TMEM94: variants seen among roughly 807,000 people sequenced by gnomAD.
TMEM94 encodes transmembrane protein 94, also known as ER Mg2+ ATPase.
A neutral mutation model predicts 158.6 loss-of-function variants in TMEM94; 81 were observed. The observed-to-expected ratio is 0.51, with a 90% CI of 0.43 to 0.61. The LOEUF is 0.61. TMEM94 is among the 20% of genes least tolerant of loss of function. The pLI, the probability that TMEM94 is intolerant of heterozygous loss-of-function variation, is 0.00. For synonymous variants in TMEM94, 751 were observed against 730.7 expected (o/e 1.03, Z -0.45); for missense variants, 1,435 against 1,762.0 (o/e 0.81, Z 3.32).
At position 75,461,690 on chromosome 17, in the gene TMEM94, G is replaced by A. The variant is rs763256238; in HGVS notation, c.-107+4939G>A. Among the ~76,000 whole-genome samples, 3 of 151,526 alleles carry A rather than the reference G, an allele frequency of 2.0e-5. No individual in the cohort carries two copies. The South Asian group carries it at 6.2e-4, about 32-fold the overall frequency. The stretch of plus-strand genomic sequence containing the variant: ...TGTAATCCCAGCATTTTGGGAGGCC[G>A]AGGTGGGCGGATCACGAAGTCAGGA... On this transcript the variant is annotated intron_variant, in intron 1 of 31. Transcript: ENST00000314256.
chr17:75,463,172 G>GTATA (rs1358230546), intron 1 of TMEM94, among the ~76,000 whole-genome samples: 5 of 4,504 alleles, frequency 1.1e-3, no homozygotes, highest in Middle Eastern at 0.17. Context: ...GTGTGTGTGT[G>GTATA]TGTGTGTATA....
chr17:75,493,638 CG>C, intron 17 of TMEM94, 45 bp downstream of exon 17: 1 of 1,611,998 alleles, frequency 6.2e-7, no homozygotes, highest in Non-Finnish European at 8.5e-7. Flanking sequence ...GTCGCGCTGC[CG>C]GGGCACCTGC....
At position 75,488,036 on chromosome 17, in the gene TMEM94, G is replaced by A. The variant is rs536172484; in HGVS notation, c.514G>A (p.Gly172Arg). ...SWSLHWAYRDGHLVNLPVSLL... is the reference protein window; with the variant it reads ...SWSLHWAYRDRHLVNLPVSLL... ...GTCCTTGCACTGGGCCTACAGAGACGGACACCTGGTCAACCTGCCAGTCAG... is the reference window on the plus strand; with the variant it reads ...GTCCTTGCACTGGGCCTACAGAGACAGACACCTGGTCAACCTGCCAGTCAG... Residue 172 changes from glycine to arginine, a missense_variant, in exon 6 of 32, where the codon GGA (glycine) becomes AGA (arginine). By Grantham distance (125) the Gly-to-Arg change is moderately radical. Around this residue, in one of 3 missense-constraint regions of TMEM94, gnomAD observed 1,051 missense variants for 1,254.4 expected, o/e 0.84. Transcript: ENST00000314256. 7.4e-6 allele frequency: 12 copies of A among 1,614,168 alleles called. No individual in the cohort carries two copies. Among genetic ancestry groups the A allele is most frequent in the Middle Eastern group, 1.6e-4 (1 of 6,062 alleles).
At chr17:75,493,155 A>AG in intron 16 of TMEM94, 53 bp downstream of exon 16, 2 of 1,572,040 alleles carry the variant, frequency 1.3e-6, no homozygotes, top group East Asian at 2.3e-5. Context: ...AGAGCTTGGC[A>AG]GGGGGGCTCT....
At position 75,495,035 on chromosome 17, in the gene TMEM94, G is replaced by A; in HGVS notation, c.2728+1G>A. 7.9e-7 allele frequency: 1 copy of A among 1,270,482 alleles called. No homozygotes were observed. The highest frequency in any genetic ancestry group is 1.1e-6 in the Non-Finnish European group (1 of 930,362). The allele number at this position is 1,270,482 out of a possible 1,614,324, so 78.7% of individuals were successfully genotyped here. ...TCCCTGCATGATGACCTGAATCAGGGTAAGGGCAAAGGCGTGGGGTGGGGA... is the reference window on the plus strand; with the variant it reads ...TCCCTGCATGATGACCTGAATCAGGATAAGGGCAAAGGCGTGGGGTGGGGA... On this transcript the variant is annotated splice_donor_variant, in intron 20 of 31. Transcript: ENST00000314256. LOFTEE classifies it high-confidence loss of function. The surrounding 1 kb of genome is among the most constrained non-coding windows in gnomAD (Gnocchi z 5.6).
At position 75,489,261 on chromosome 17, in the gene TMEM94, T is replaced by C. The variant is rs764598328; in HGVS notation, c.765-5T>C. ...AGTGAGACTGACAGTCACTTCTTTC[T>C]GCAGATGGTGCCTGGACATGGCCCT... On this transcript the variant is annotated splice_region_variant and splice_polypyrimidine_tract_variant and intron_variant, in intron 7 of 31. Coordinates refer to ENST00000314256, the MANE Select transcript of TMEM94 (RefSeq NM_014738.6). This position sits in a 1 kb window ranked among gnomAD's most constrained non-coding sequence, Gnocchi z 5.0. 6.2e-7 allele frequency: 1 copy of C among 1,613,806 alleles called. No individual in the cohort carries two copies. The highest frequency in any genetic ancestry group is 1.1e-5 in the South Asian group (1 of 91,088).
chr17:75,484,118 C>G (rs1402850234), intron 2 of TMEM94, among the ~76,000 whole-genome samples: 1 of 152,200 alleles, frequency 6.6e-6, no homozygotes, highest in African/African-American at 2.4e-5. Flanking sequence ...CTGTCCACAC[C>G]TTGTCCCATT....
At position 75,495,469 on chromosome 17, in the gene TMEM94, A is replaced by C; in HGVS notation, c.2844+70A>C. ...TAGCTGGTCCAGGGGAGAGGTAGAG[A>C]GGTGGTGGGCAGGCGGTGGAGGGGA... On this transcript the variant is annotated intron_variant, in intron 21 of 31. Coordinates refer to ENST00000314256, the MANE Select transcript of TMEM94 (RefSeq NM_014738.6). This position sits in a 1 kb window ranked among gnomAD's most constrained non-coding sequence, Gnocchi z 5.6. 1.3e-6 allele frequency: 2 copies of C among 1,588,948 alleles called. No homozygotes were observed. The highest frequency in any genetic ancestry group is 1.7e-6 in the Non-Finnish European group (2 of 1,158,454).
Position 75,488,905 on chromosome 17 carries a change from C to T in TMEM94, c.759C>T (p.Asn253=), listed in dbSNP as rs768042932. ...TCCTTGAGACCCCTGTGATTGACAACATCAGGTAGGGGTGCTGCCCCGCCT... is the reference window on the plus strand; with the variant it reads ...TCCTTGAGACCCCTGTGATTGACAATATCAGGTAGGGGTGCTGCCCCGCCT... ...FRVLETPVID[N]IRWCLDMALS... Residue 253 remains asparagine (N), a synonymous_variant, in exon 7 of 32, where the codon AAC becomes AAT. Coordinates refer to ENST00000314256, the MANE Select transcript of TMEM94 (RefSeq NM_014738.6). 1.9e-6 allele frequency: 3 copies of T among 1,582,256 alleles called. No homozygotes were observed. The Admixed American group carries it at 5.3e-5, about 28-fold the overall frequency.
At chr17:75,470,261 C>CA (rs1249514634) in intron 1 of TMEM94, among the ~76,000 whole-genome samples, 2 of 151,786 alleles carry the variant, frequency 1.3e-5, no homozygotes, top group African/African-American at 4.8e-5. Context: ...TGCTTGAGGC[C>CA]AGGAGGTCAA....
chr17:75,497,997 TC>T, intron 27 of TMEM94, 135 bp downstream of exon 27: 6 of 1,157,830 alleles, frequency 5.2e-6, no homozygotes, highest in Non-Finnish European at 6.2e-6. Flanking sequence ...TTCCTAGTCT[TC>T]CCCCAGATCA....
In TMEM94 at chr17:75,486,286, C is replaced by T. The variant is rs1423522859; in HGVS notation, c.273-4C>T. The T allele has an allele frequency of 6.2e-7, 1 of 1,613,982 alleles. No individual in the cohort carries two copies. The highest frequency in any genetic ancestry group is 8.5e-7 in the Non-Finnish European group (1 of 1,179,890). ...TGGGTGCGGCCTCTCTTTCCTCCCA[C>T]CAGCCGTGGGGTGGGGCTGGTGAAT... On this transcript the variant is annotated splice_region_variant and splice_polypyrimidine_tract_variant and intron_variant, in intron 4 of 31. Coordinates refer to ENST00000314256, the MANE Select transcript of TMEM94 (RefSeq NM_014738.6).
rs1001026613 is a variant in TMEM94 at position 75,489,452 on chromosome 17, C to T, written c.867+84C>T. On this transcript the variant is annotated intron_variant, in intron 8 of 31. Coordinates refer to ENST00000314256, the MANE Select transcript of TMEM94 (RefSeq NM_014738.6). The surrounding 1 kb of genome is among the most constrained non-coding windows in gnomAD (Gnocchi z 5.0). ...GGGGTCTCAGGGCCACTCACATGAG[C>T]GGGAGTGAATGCAGAGGGTCCCAGA... 2.2e-5 allele frequency: 32 copies of T among 1,482,762 alleles called. No individual in the cohort carries two copies. Among genetic ancestry groups the T allele is most frequent in the Admixed American group, 1.9e-4 (11 of 59,278 alleles). 91.9% of individuals were successfully genotyped at this position (1,482,762 alleles called of 1,614,324 possible).
chr17:75,460,702 G>A (rs774872200), intron 1 of TMEM94, among the ~76,000 whole-genome samples: 18 of 151,904 alleles, frequency 1.2e-4, no homozygotes, highest in African/African-American at 3.9e-4. Context: ...TTACAGAGAC[G>A]GTTCTTGCCC....
rs1450889054 is a variant in TMEM94 at position 75,491,918 on chromosome 17, C to T, written c.1596+18C>T. 6 of 1,596,590 alleles carry T rather than the reference C, an allele frequency of 3.8e-6. No individual in the cohort carries two copies. Among genetic ancestry groups the T allele is most frequent in the Admixed American group, 1.7e-5 (1 of 57,362 alleles). On this transcript the variant is annotated intron_variant, in intron 14 of 31. Transcript: ENST00000314256. The surrounding 1 kb of genome is among the most constrained non-coding windows in gnomAD (Gnocchi z 5.1). Reference sequence around the variant, plus strand: ...CCAGCAAGGTGACGGGAGGGGGTGGCACGGGGCAGCCACACCCTCGGCCAC... The same window carrying T: ...CCAGCAAGGTGACGGGAGGGGGTGGTACGGGGCAGCCACACCCTCGGCCAC...
intron 1 of TMEM94, among the ~76,000 whole-genome samples, chr17:75,465,536 T>A (rs977067625): frequency 3.3e-5 from 5 of 151,608 alleles, no homozygotes. Flanking sequence ...GCTCAAGTGA[T>A]CCTCCTGCCT....
rs1377936337 is a variant in TMEM94, at chr17:75,463,176, G to GTA, written c.-107+6426_-107+6427insAT. Among the ~76,000 whole-genome samples, 11 of 9,044 alleles carry GTA rather than the reference G, an allele frequency of 1.2e-3. 1 individual carries two copies. The highest frequency in any genetic ancestry group is 6.4e-3 in the African/African-American group (9 of 1,398). 5.9% of individuals were successfully genotyped at this position (9,044 alleles called of 152,430 possible). Reference sequence around the variant, plus strand: ...CGTATATATATGTGTGTGTGTGTGTGTGTATATATATATATATATATACAG... The same window carrying GTA: ...CGTATATATATGTGTGTGTGTGTGTGTATGTATATATATATATATATATACAG... On this transcript the variant is annotated intron_variant, in intron 1 of 31. Coordinates refer to ENST00000314256, the MANE Select transcript of TMEM94 (RefSeq NM_014738.6).
chr17:75,464,620 TTTCCTTCCTTCCTTCCTTCC>T, intron 1 of TMEM94, among the ~76,000 whole-genome samples: 1 of 89,470 alleles, frequency 1.1e-5, no homozygotes, highest in South Asian at 3.5e-4. Flanking sequence ...CCTTTCTTTC[TTTCCTTCCTTCCTTCCTTCC>T]TTCCTTCCTT....
chr17:75,486,027 TC>T, intron 4 of TMEM94, 29 bp downstream of exon 4: 1 of 1,491,010 alleles, frequency 6.7e-7, no homozygotes, highest in Non-Finnish European at 8.9e-7. Context: ...CTCCCCAACC[TC>T]TCCAGCTGTG....
Sources: allele counts gnomAD v4.1 joint callset (sites outside exome capture counted in the v4.1 genomes callset), GRCh38; gene constraint gnomAD v4.1.1; regional missense constraint gnomAD v4.1.1; non-coding constraint Gnocchi (gnomAD v3.1); transcripts MANE v1.5; gene names NCBI Gene and HGNC (gene_info 2026-07-23, HGNC 2026-07-21).